NACC2: variants seen among roughly 807,000 people sequenced by gnomAD.
NACC2 encodes nucleus accumbens-associated protein 2.
NACC2 carries 8 observed loss-of-function variants against 25.1 expected under a neutral mutation model. That is an observed-to-expected ratio of 0.32 (90% CI 0.19 to 0.57). The LOEUF is 0.57. Among genes scored for constraint, NACC2 ranks in the 20% least tolerant of loss-of-function variants. NACC2 has a pLI of 0.89. For missense variants in NACC2, 644 were observed against 650.2 expected (o/e 0.99, Z 0.10); for synonymous variants, 435 against 294.7 (o/e 1.48, Z -4.88).
intron 2 of NACC2, among the ~76,000 whole-genome samples, chr9:136,040,143 A>G (rs1164037050): frequency 2.0e-5 from 3 of 152,110 alleles, no homozygotes; most frequent in South Asian, 4.1e-4. Flanking sequence ...CAGGGGATTG[A>G]GACCATCCTG....
intron 1 of NACC2, among the ~76,000 whole-genome samples, chr9:136,052,926 C>T (rs1283518414): frequency 6.6e-6 from 1 of 152,244 alleles, no homozygotes; most frequent in African/African-American, 2.4e-5. Context: ...TGGGCTCATA[C>T]CAGCCTCTCT....
chr9:136,022,027 A>G lies in NACC2; in HGVS notation c.887-5598T>C, dbSNP rs1840302511. The stretch of plus-strand genomic sequence containing the variant: ...AAGGTCGGGCTACACACCTGTCCCC[A>G]CGGGGGCAGCCTGCACGACTCTAGG... On this transcript the variant is annotated intron_variant, in intron 2 of 5. Transcript: ENST00000277554. The surrounding 1 kb of genome is among the most constrained non-coding windows in gnomAD (Gnocchi z 4.4). 6.6e-6 allele frequency among the ~76,000 whole-genome samples: 1 copy of G among 152,150 alleles called. No homozygotes were observed. The highest frequency in any genetic ancestry group is 2.4e-5 in the African/African-American group (1 of 41,456).
At chr9:136,017,952 C>T (rs955600187) in intron 2 of NACC2, among the ~76,000 whole-genome samples, 1 of 152,180 alleles carries the variant, frequency 6.6e-6, no homozygotes, top group Admixed American at 6.5e-5. Context: ...CGGGGCTGGA[C>T]CTTGCTTGCC....
intron 1 of NACC2, among the ~76,000 whole-genome samples, chr9:136,073,676 G>A (rs921571299): frequency 1.3e-5 from 2 of 152,116 alleles, no homozygotes; most frequent in African/African-American, 4.8e-5. Context: ...GATTTCCCTC[G>A]GTTCATAATA....
intron 2 of NACC2, among the ~76,000 whole-genome samples, chr9:136,042,893 TACAG>T (rs1840663233): frequency 1.3e-5 from 1 of 78,492 alleles, no homozygotes; most frequent in African/African-American, 5.3e-5. Context: ...CACAGACACA[TACAG>T]ACACACACAG....
chr9:136,065,119 G>T (rs1841065048), intron 1 of NACC2, among the ~76,000 whole-genome samples: 1 of 152,198 alleles, frequency 6.6e-6, no homozygotes, highest in Non-Finnish European at 1.5e-5. Flanking sequence ...GAAAAGACAG[G>T]ATAAATCTTT....
chr9:136,012,851 CG>C (rs1196489732), intron 5 of NACC2, among the ~76,000 whole-genome samples: 1 of 152,168 alleles, frequency 6.6e-6, no homozygotes, highest in African/African-American at 2.4e-5. Context: ...CGCCCAAGAG[CG>C]GGAGGCAGAA....
chr9:136,043,463 G>T (rs920329801), intron 2 of NACC2, among the ~76,000 whole-genome samples: 2 of 152,250 alleles, frequency 1.3e-5, no homozygotes, highest in South Asian at 4.1e-4. Context: ...AGAGAACCCC[G>T]GCTGCCGTAA....
intron 2 of NACC2, among the ~76,000 whole-genome samples, chr9:136,044,810 G>A (rs891018719): frequency 6.6e-6 from 1 of 152,222 alleles, no homozygotes; most frequent in Non-Finnish European, 1.5e-5. Context: ...GTAATGGTGG[G>A]GGGTGAGTGG....
chr9:136,080,849 A>C (rs1830315667), intron 1 of NACC2, among the ~76,000 whole-genome samples: 1 of 151,738 alleles, frequency 6.6e-6, no homozygotes, highest in Admixed American at 6.6e-5. Context: ...CCCGGCGCAA[A>C]CTCCAGCCAG....
chr9:136,031,422 C>CT (rs766862581), intron 2 of NACC2, among the ~76,000 whole-genome samples: 5 of 152,182 alleles, frequency 3.3e-5, no homozygotes, highest in Non-Finnish European at 7.3e-5. Flanking sequence ...ACTGCAAACT[C>CT]TGCCTCCCGG....
rs1840035499 is a variant in NACC2 at position 136,007,457 on chromosome 9, A to ACG, written c.*4058_*4059insCG. 1 of 53,542 alleles carries ACG rather than the reference A, an allele frequency of 1.9e-5. No homozygotes were observed. The highest frequency in any genetic ancestry group is 1.6e-4 in the Admixed American group (1 of 6,336). 3.3% of individuals were successfully genotyped at this position (53,542 alleles called of 1,614,324 possible). On this transcript the variant is annotated 3_prime_UTR_variant, in exon 6 of 6. Transcript: ENST00000277554. ...CACACAGACGCGCACACACACGCGC[A>ACG]CACAGACGCACACACACAGACGCAC...
intron 1 of NACC2, among the ~76,000 whole-genome samples, chr9:136,069,173 TG>T (rs1841121835): frequency 1.3e-5 from 2 of 151,338 alleles, no homozygotes; most frequent in South Asian, 4.2e-4. Flanking sequence ...CCCAAAGTGC[TG>T]GGATCATAGG....
At chr9:136,043,169 C>T (rs57189326) in intron 2 of NACC2, among the ~76,000 whole-genome samples, 2,777 of 152,284 alleles carry the variant, frequency 0.018, 75 homozygotes, top group African/African-American at 0.059. Context: ...CTTTGAGAGT[C>T]ACCATTACAA....
rs945593252 is a variant in NACC2, at chr9:136,022,028, C to A, written c.887-5599G>T. 1.3e-4 allele frequency among the ~76,000 whole-genome samples: 20 copies of A among 152,248 alleles called. No individual in the cohort carries two copies. The highest frequency in any genetic ancestry group is 1.2e-3 in the Admixed American group (18 of 15,300). Reference sequence around the variant, plus strand: ...AGGTCGGGCTACACACCTGTCCCCACGGGGGCAGCCTGCACGACTCTAGGT... The same window carrying A: ...AGGTCGGGCTACACACCTGTCCCCAAGGGGGCAGCCTGCACGACTCTAGGT... On this transcript the variant is annotated intron_variant, in intron 2 of 5. Transcript: ENST00000277554. This position sits in a 1 kb window ranked among gnomAD's most constrained non-coding sequence, Gnocchi z 4.4.
chr9:136,034,295 C>T (rs1040961463), intron 2 of NACC2, among the ~76,000 whole-genome samples: 175 of 152,090 alleles, frequency 1.2e-3, no homozygotes, highest in African/African-American at 4.0e-3. Context: ...CCATGCCAGA[C>T]GTACTACAGA....
At chr9:136,037,566 G>A (rs1259355577) in intron 2 of NACC2, among the ~76,000 whole-genome samples, 1 of 149,386 alleles carries the variant, frequency 6.7e-6, no homozygotes, top group Non-Finnish European at 1.5e-5. Context: ...GGAGTACAGT[G>A]GTGCAATCTC....
intron 5 of NACC2, 52 bp from the exon 6 acceptor site, chr9:136,012,076 C>T: frequency 6.8e-7 from 1 of 1,465,112 alleles, no homozygotes; most frequent in South Asian, 1.4e-5. Context: ...GGGAGGCCCG[C>T]CCCTCCCCAA....
At chr9:136,091,901 G>C (rs1030660249) in intron 1 of NACC2, among the ~76,000 whole-genome samples, 47 of 152,138 alleles carry the variant, frequency 3.1e-4, no homozygotes, top group African/African-American at 1.1e-3. Context: ...CCGCAACAGA[G>C]GCGGAGGCAG....
Sources: allele counts gnomAD v4.1 joint callset (sites outside exome capture counted in the v4.1 genomes callset), GRCh38; gene constraint gnomAD v4.1.1; non-coding constraint Gnocchi (gnomAD v3.1); transcripts MANE v1.5; gene names NCBI Gene and HGNC (gene_info 2026-07-23, HGNC 2026-07-21).